The following FBXO30 variants were observed in gnomAD, a reference collection of about 807,000 sequenced individuals.
FBXO30 encodes F-box only protein 30.
A neutral mutation model predicts 58.1 loss-of-function variants in FBXO30; 21 were observed. That is an observed-to-expected ratio of 0.36 (90% CI 0.26 to 0.52). The LOEUF is 0.52. FBXO30 is among the 20% of genes least tolerant of loss of function. FBXO30 has a pLI of 0.93. For synonymous variants in FBXO30, 309 were observed against 312.4 expected (o/e 0.99, Z 0.11); for missense variants, 744 against 897.3 (o/e 0.83, Z 2.18).
intron 1 of FBXO30, chr6:145,809,809 GC>G (rs1246772675): frequency 6.6e-6 from 1 of 152,198 alleles, no homozygotes; most frequent in Non-Finnish European, 1.5e-5. Context: ...CAAGTGATCT[GC>G]CCAAGGTCAT....
Position 145,797,083 on chromosome 6 carries a change from A to G in FBXO30, c.*3023T>C, listed in dbSNP as rs562371242. 1 of 150,902 alleles carries G rather than the reference A, an allele frequency of 6.6e-6. No individual in the cohort carries two copies. Among genetic ancestry groups the G allele is most frequent in the African/African-American group, 2.4e-5 (1 of 41,228 alleles). 9.3% of individuals were successfully genotyped at this position (150,902 alleles called of 1,614,324 possible). A position where few individuals can be genotyped will look rare whatever the true frequency, so the allele number is the denominator to read the frequency against. Reference sequence around the variant, plus strand: ...ACTTCTACTCTTTGATTACCCTACAATTTGAATATGTTCACGACTCTACAA... The same window carrying G: ...ACTTCTACTCTTTGATTACCCTACAGTTTGAATATGTTCACGACTCTACAA... On this transcript the variant is annotated 3_prime_UTR_variant, in exon 3 of 3. Transcript: ENST00000237281.
intron 1 of FBXO30, among the ~76,000 whole-genome samples, chr6:145,813,755 T>C (rs1437130800): frequency 1.3e-5 from 2 of 152,118 alleles, no homozygotes; most frequent in African/African-American, 2.4e-5. Flanking sequence ...TGGATCAGAG[T>C]CAACGAAGTA....
Position 145,806,368 on chromosome 6 carries a change from C to T in FBXO30, c.38G>A (p.Cys13Tyr), listed in dbSNP as rs1778167915. 2 of 1,613,862 alleles carry T rather than the reference C, an allele frequency of 1.2e-6. No homozygotes were observed. The highest frequency in any genetic ancestry group is 8.5e-7 in the Non-Finnish European group (1 of 1,179,940). ...CCTGGTCATGCACCGTCTACTGACA[C>T]AATTCACACAATGGGAATGCTGCAG... ...EELQHSHCVN[C>Y]VSRRCMTRPE... The change falls in exon 2 of 3, where the codon TGT (cysteine) becomes TAT (tyrosine). Residue 13 changes from cysteine (C) to tyrosine (Y), a missense_variant. Cys to Tyr is a radical substitution (Grantham distance 194). This residue lies in a region of FBXO30 where 135 missense variants were observed against 201.6 expected (regional missense o/e 0.67). Coordinates refer to ENST00000237281, the MANE Select transcript of FBXO30 (RefSeq NM_032145.5).
At chr6:145,813,057 A>T (rs1778376511) in intron 1 of FBXO30, among the ~76,000 whole-genome samples, 1 of 152,142 alleles carries the variant, frequency 6.6e-6, no homozygotes, top group African/African-American at 2.4e-5. Context: ...TCTTAGAAAC[A>T]TGTTATATCA....
At chr6:145,800,988 T>C (rs1391846450) in intron 2 of FBXO30, among the ~76,000 whole-genome samples, 1 of 152,130 alleles carries the variant, frequency 6.6e-6, no homozygotes, top group Non-Finnish European at 1.5e-5. Flanking sequence ...CCATCCCTAT[T>C]CATGTCTGTA....
In FBXO30 at chr6:145,800,067, C is replaced by A; in HGVS notation, c.*39G>T. On this transcript the variant is annotated 3_prime_UTR_variant, in exon 3 of 3. Coordinates refer to ENST00000237281, the MANE Select transcript of FBXO30 (RefSeq NM_032145.5). ...TTTCACATATTACAAAGAAATTATA[C>A]TAGGTGCTTGCATATATGTGCTAGT... The A allele has an allele frequency of 7.0e-7, 1 of 1,437,908 alleles. No individual in the cohort carries two copies. The highest frequency in any genetic ancestry group is 9.7e-7 in the Non-Finnish European group (1 of 1,028,254). The allele number at this position is 1,437,908 out of a possible 1,614,324, so 89.1% of individuals were successfully genotyped here.
At position 145,797,147 on chromosome 6, in the gene FBXO30, ACTG is replaced by A. The variant is rs1461522924; in HGVS notation, c.*2956_*2958del. 5 of 152,002 alleles carry A rather than the reference ACTG, an allele frequency of 3.3e-5. No individual in the cohort carries two copies. The highest frequency in any genetic ancestry group is 6.6e-5 in the Admixed American group (1 of 15,232). The allele number at this position is 152,002 out of a possible 1,614,324, so 9.4% of individuals were successfully genotyped here. ...GAATGAGATGACTAGGCTAAATGTT[ACTG>A]CTAATGAACTAAAATTTGCACTGCA... On this transcript the variant is annotated 3_prime_UTR_variant, in exon 3 of 3. Transcript: ENST00000237281.
rs377675748 is a variant in FBXO30, at chr6:145,800,082, T to C, written c.*24A>G. 2.6e-6 allele frequency: 4 copies of C among 1,557,182 alleles called. No homozygotes were observed. Among genetic ancestry groups the C allele is most frequent in the Non-Finnish European group, 3.5e-6 (4 of 1,130,190 alleles). On this transcript the variant is annotated 3_prime_UTR_variant, in exon 3 of 3. Transcript: ENST00000237281. Reference sequence around the variant, plus strand: ...AGAAATTATACTAGGTGCTTGCATATATGTGCTAGTAATATTACAACTTTT... The same window carrying C: ...AGAAATTATACTAGGTGCTTGCATACATGTGCTAGTAATATTACAACTTTT...
chr6:145,806,357 G>A lies in FBXO30; in HGVS notation c.49C>T (p.Arg17Trp), dbSNP rs374962967. The A allele has an allele frequency of 3.1e-5, 50 of 1,613,674 alleles. No individual in the cohort carries two copies. Among genetic ancestry groups the A allele is most frequent in the Non-Finnish European group, 3.8e-5 (45 of 1,179,934 alleles). Residue 17 changes from arginine to tryptophan, a missense_variant, in exon 2 of 3, where the codon CGG (arginine) becomes TGG (tryptophan). Physicochemically the swap from Arg to Trp is moderately radical, Grantham distance 101. Coordinates refer to ENST00000237281, the MANE Select transcript of FBXO30 (RefSeq NM_032145.5). ...CCTGGCTCTGGCCTGGTCATGCACC[G>A]TCTACTGACACAATTCACACAATGG... ...HSHCVNCVSR[R>W]CMTRPEPGIS...
In FBXO30 at chr6:145,800,034, T is replaced by C. The variant is rs1423784656; in HGVS notation, c.*72A>G. The C allele has an allele frequency of 9.0e-6, 10 of 1,106,494 alleles. No individual in the cohort carries two copies. Among genetic ancestry groups the C allele is most frequent in the Admixed American group, 2.0e-5 (1 of 51,148 alleles). The allele number at this position is 1,106,494 out of a possible 1,614,324, so 68.5% of individuals were successfully genotyped here. A position where few individuals can be genotyped will look rare whatever the true frequency, so the allele number is the denominator to read the frequency against. On this transcript the variant is annotated 3_prime_UTR_variant, in exon 3 of 3. Coordinates refer to ENST00000237281, the MANE Select transcript of FBXO30 (RefSeq NM_032145.5). ...TAGCTAGTTGTAATATTTAATACATTAATAAAGTTTCACATATTACAAAGA... is the reference window on the plus strand; with the variant it reads ...TAGCTAGTTGTAATATTTAATACATCAATAAAGTTTCACATATTACAAAGA...
In FBXO30 at chr6:145,805,392, C is replaced by A. The variant is rs2128666182; in HGVS notation, c.1014G>T (p.Arg338Ser). The A allele has an allele frequency of 1.2e-6, 2 of 1,614,020 alleles. No individual in the cohort carries two copies. The highest frequency in any genetic ancestry group is 4.5e-5 in the East Asian group (2 of 44,868). Residue 338 changes from arginine to serine, a missense_variant, in exon 2 of 3, where the codon AGG (arginine) becomes AGT (serine). Physicochemically the swap from Arg to Ser is moderately radical, Grantham distance 110. Around this residue, in one of 3 missense-constraint regions of FBXO30, gnomAD observed 275 missense variants for 262.0 expected, o/e 1.05. Transcript: ENST00000237281. ...SSSLAVAAQL[R>S]EIIPSSALPN... Reference sequence around the variant, plus strand: ...GCAAAGCACTGGATGGTATTATTTCCCTAAGTTGTGCTGCCACCGCAAGTG... The same window carrying A: ...GCAAAGCACTGGATGGTATTATTTCACTAAGTTGTGCTGCCACCGCAAGTG...
rs1429576662 is a variant in FBXO30 at position 145,797,075 on chromosome 6, A to G, written c.*3031T>C. On this transcript the variant is annotated 3_prime_UTR_variant, in exon 3 of 3. Coordinates refer to ENST00000237281, the MANE Select transcript of FBXO30 (RefSeq NM_032145.5). Reference sequence around the variant, plus strand: ...ATTTGTCTACTTCTACTCTTTGATTACCCTACAATTTGAATATGTTCACGA... The same window carrying G: ...ATTTGTCTACTTCTACTCTTTGATTGCCCTACAATTTGAATATGTTCACGA... 6.6e-6 allele frequency: 1 copy of G among 151,920 alleles called. No homozygotes were observed. The highest frequency in any genetic ancestry group is 1.5e-5 in the Non-Finnish European group (1 of 67,890). 9.4% of individuals were successfully genotyped at this position (151,920 alleles called of 1,614,324 possible).
intron 2 of FBXO30, among the ~76,000 whole-genome samples, chr6:145,801,427 G>T (rs915540886): frequency 1.4e-4 from 21 of 151,956 alleles, no homozygotes; most frequent in African/African-American, 5.1e-4. Context: ...GTGTGTGTGT[G>T]TTTTTTAGCT....
At chr6:145,813,613 T>C (rs1351017275) in intron 1 of FBXO30, among the ~76,000 whole-genome samples, 1 of 152,222 alleles carries the variant, frequency 6.6e-6, no homozygotes, top group Admixed American at 6.5e-5. Context: ...ATAATTTCCA[T>C]AGGTCTCTAA....
rs1207233273 is a variant in FBXO30 at position 145,800,174 on chromosome 6, T to C, written c.2170A>G (p.Met724Val). ...KREEAIPLPC[M>V]CVTRELTKEG... ...TTAGTGAGTTCTCGTGTCACACACA[T>C]ACATGGCAAAGGGATTGCTTCCTCC... Residue 724 changes from methionine (M) to valine (V), a missense_variant, in exon 3 of 3, where the codon ATG becomes GTG. Around this residue, in one of 3 missense-constraint regions of FBXO30, gnomAD observed 334 missense variants for 433.7 expected, o/e 0.77. Coordinates refer to ENST00000237281, the MANE Select transcript of FBXO30 (RefSeq NM_032145.5). 6.2e-7 allele frequency: 1 copy of C among 1,613,018 alleles called. No individual in the cohort carries two copies. The highest frequency in any genetic ancestry group is 2.2e-5 in the East Asian group (1 of 44,864).
rs1777874979 is a variant in FBXO30, at chr6:145,796,804, C to T, written c.*3302G>A. 6.6e-6 allele frequency: 1 copy of T among 151,908 alleles called. No homozygotes were observed. Among genetic ancestry groups the T allele is most frequent in the Non-Finnish European group, 1.5e-5 (1 of 67,912 alleles). The allele number at this position is 151,908 out of a possible 1,614,324, so 9.4% of individuals were successfully genotyped here. A position where few individuals can be genotyped will look rare whatever the true frequency, so the allele number is the denominator to read the frequency against. On this transcript the variant is annotated 3_prime_UTR_variant, in exon 3 of 3. Coordinates refer to ENST00000237281, the MANE Select transcript of FBXO30 (RefSeq NM_032145.5). ...GTTATCGATATAGTAATATAAACTA[C>T]CATATCTTCAAGGGATATGGAAGTT...
chr6:145,813,750 C>G (rs898674338), intron 1 of FBXO30, among the ~76,000 whole-genome samples: 1 of 152,156 alleles, frequency 6.6e-6, no homozygotes. Flanking sequence ...CATCTTGGAT[C>G]AGAGTCAACG....
chr6:145,805,544 GA>G lies in FBXO30; in HGVS notation c.861del (p.Pro288LeufsTer10). 1 of 1,608,012 alleles carries G rather than the reference GA, an allele frequency of 6.2e-7. No homozygotes were observed. Among genetic ancestry groups the G allele is most frequent in the Non-Finnish European group, 8.5e-7 (1 of 1,177,644 alleles). On this transcript the variant is annotated frameshift_variant, in exon 2 of 3. Coordinates refer to ENST00000237281, the MANE Select transcript of FBXO30 (RefSeq NM_032145.5). LOFTEE classifies it high-confidence loss of function. ...SYDTSALCNGFPLENICTQVI... is the reference protein window; with the variant it reads ...SYDTSALCNGXPLENICTQVI... Reference sequence around the variant, plus strand: ...ACCTGGGTACATATATTTTCCAAAGGAAAGCCATTACAAAGAGCAGAAGTGT... The same window carrying G: ...ACCTGGGTACATATATTTTCCAAAGGAAGCCATTACAAAGAGCAGAAGTGT...
At chr6:145,801,719 G>GA (rs1778004390) in intron 2 of FBXO30, among the ~76,000 whole-genome samples, 1 of 152,024 alleles carries the variant, frequency 6.6e-6, no homozygotes, top group Non-Finnish European at 1.5e-5. Context: ...TACCCTTTAT[G>GA]GAGTGATTTT....
Sources: allele counts gnomAD v4.1 joint callset (sites outside exome capture counted in the v4.1 genomes callset), GRCh38; gene constraint gnomAD v4.1.1; regional missense constraint gnomAD v4.1.1; transcripts MANE v1.5; gene names NCBI Gene and HGNC (gene_info 2026-07-23, HGNC 2026-07-21).